The following UGGT2 variants were observed in gnomAD, a reference collection of about 807,000 sequenced individuals.
UGGT2 encodes the protein UDP-glucose glycoprotein glucosyltransferase 2, also known as UDP-glucose:glycoprotein glucosyltransferase 2.
A neutral mutation model predicts 192.1 loss-of-function variants in UGGT2; 180 were observed. The ratio of observed to expected loss-of-function variants is 0.94; its 90% CI spans 0.83 to 1.06. The LOEUF (loss-of-function observed/expected upper bound fraction) is 1.06. Among genes scored for constraint, UGGT2 ranks in the 50% least tolerant of loss-of-function variants. The pLI, the probability that UGGT2 is intolerant of heterozygous loss-of-function variation, is 0.00. For synonymous variants in UGGT2, 580 were observed against 591.0 expected (o/e 0.98, Z 0.27); for missense variants, 1,849 against 1,795.7 (o/e 1.03, Z -0.54).
rs186269547 is a variant in UGGT2, at chr13:96,050,341, A to G, written c.158+2814T>C. On this transcript the variant is annotated intron_variant, in intron 1 of 38. Transcript: ENST00000376747. ...TACAAAAATTAATTCAAGATGGACT[A>G]AAGACTTAAATGTTAGATCTAAAAC... 4.1e-3 allele frequency among the ~76,000 whole-genome samples: 630 copies of G among 152,354 alleles called. 1 individual carries two copies. Among genetic ancestry groups the G allele is most frequent in the Non-Finnish European group, 7.7e-3 (525 of 68,028 alleles).
chr13:95,990,014 C>T lies in UGGT2; in HGVS notation c.890G>A (p.Ser297Asn), dbSNP rs756653398. 6 of 1,606,810 alleles carry T rather than the reference C, an allele frequency of 3.7e-6. No homozygotes were observed. The East Asian group carries it at 6.7e-5, about 18-fold the overall frequency. The change falls in exon 8 of 39, where the codon AGT (serine) becomes AAT (asparagine). Residue 297 changes from serine (S) to asparagine (N), a missense_variant. Physicochemically the swap from Ser to Asn is conservative, Grantham distance 46. Transcript: ENST00000376747. ...TTTCAAAGGCATCATTTGTTTGTTA[C>T]TCTCAATCAGGTATTTTTGGAATGC... ...LTAFQKYLIE[S>N]NKQMMPLKVW... is the part of the protein sequence containing the mutation.
rs185133728 is a variant in UGGT2, at chr13:95,998,843, C to T, written c.757+368G>A. Reference sequence around the variant, plus strand: ...AAATAAATATTTCAGACAAAACTTCCTTACATGGGCGAGACCCAGATGCCT... The same window carrying T: ...AAATAAATATTTCAGACAAAACTTCTTTACATGGGCGAGACCCAGATGCCT... On this transcript the variant is annotated intron_variant, in intron 6 of 38. Coordinates refer to ENST00000376747, the MANE Select transcript of UGGT2 (RefSeq NM_020121.4). Among the ~76,000 whole-genome samples, 342 of 152,180 alleles carry T rather than the reference C, an allele frequency of 2.2e-3. 2 individuals carry two copies. Among genetic ancestry groups the T allele is most frequent in the Admixed American group, 3.5e-3 (54 of 15,282 alleles).
intron 36 of UGGT2, among the ~76,000 whole-genome samples, chr13:95,837,917 T>G (rs182037713): frequency 1.6e-5 from 1 of 62,344 alleles, no homozygotes. Flanking sequence ...TTTAAGGTTC[T>G]TCTCTCAACA....
At chr13:95,862,173 T>C (rs1890226906) in intron 31 of UGGT2, among the ~76,000 whole-genome samples, 1 of 152,158 alleles carries the variant, frequency 6.6e-6, no homozygotes, top group Non-Finnish European at 1.5e-5. Context: ...GCACACACTG[T>C]ACAGTAACAT....
intron 12 of UGGT2, among the ~76,000 whole-genome samples, chr13:95,951,458 C>T (rs1303587359): frequency 6.6e-5 from 10 of 152,184 alleles, no homozygotes; most frequent in African/African-American, 2.4e-4. Context: ...GACCCAAAGG[C>T]AGCTGAGGGT....
chr13:95,814,238 A>G (rs778958576), intron 38 of UGGT2, among the ~76,000 whole-genome samples: 17 of 152,210 alleles, frequency 1.1e-4, no homozygotes, highest in Admixed American at 5.2e-4. Flanking sequence ...GGCAGCTTGC[A>G]CCTTCAGTGT....
intron 29 of UGGT2, among the ~76,000 whole-genome samples, chr13:95,867,784 T>C (rs1890811764): frequency 6.6e-6 from 1 of 152,186 alleles, no homozygotes; most frequent in Non-Finnish European, 1.5e-5. Context: ...TACAATTTTT[T>C]ACACTTCAAA....
chr13:96,003,225 G>A (rs889268571), intron 5 of UGGT2, among the ~76,000 whole-genome samples: 1 of 152,032 alleles, frequency 6.6e-6, no homozygotes, highest in Non-Finnish European at 1.5e-5. Flanking sequence ...ACACAGTATT[G>A]GCAAGGTGTT....
chr13:95,884,267 GA>G (rs967128930), intron 27 of UGGT2, among the ~76,000 whole-genome samples: 2 of 151,906 alleles, frequency 1.3e-5, no homozygotes, highest in African/African-American at 2.4e-5. Context: ...AAGAAAGAAA[GA>G]AAAAATGTAA....
At chr13:96,046,111 C>G (rs1486930507) in intron 1 of UGGT2, among the ~76,000 whole-genome samples, 1 of 152,124 alleles carries the variant, frequency 6.6e-6, no homozygotes, top group Non-Finnish European at 1.5e-5. Flanking sequence ...GTCTCCAAAA[C>G]AGCATGGTAC....
chr13:96,021,613 A>C (rs61973964), intron 4 of UGGT2, among the ~76,000 whole-genome samples: 5,209 of 152,328 alleles, frequency 0.034, 100 homozygotes, highest in Non-Finnish European at 0.041. Flanking sequence ...AATGAAAGCA[A>C]TCTTAATTCA....
At chr13:95,847,173 G>A (rs942617121) in intron 36 of UGGT2, among the ~76,000 whole-genome samples, 1 of 148,678 alleles carries the variant, frequency 6.7e-6, no homozygotes, top group Non-Finnish European at 1.5e-5. Flanking sequence ...TAGGTTCACA[G>A]CCAAATTAAG....
intron 29 of UGGT2, chr13:95,877,007 C>T: frequency 4.0e-6 from 1 of 247,762 alleles, no homozygotes. Context: ...CCTCAGTCTC[C>T]TGAATAGCTG....
chr13:95,834,623 T>C (rs1490505561), intron 37 of UGGT2, among the ~76,000 whole-genome samples: 1 of 152,190 alleles, frequency 6.6e-6, no homozygotes, highest in East Asian at 1.9e-4. Flanking sequence ...CCATGAAGAA[T>C]AGCATGTTCT....
At chr13:96,045,818 T>C (rs2053293850) in intron 1 of UGGT2, among the ~76,000 whole-genome samples, 1 of 152,020 alleles carries the variant, frequency 6.6e-6, no homozygotes, top group Admixed American at 6.6e-5. Context: ...TACAAAACAC[T>C]GCTGAAAGAA....
chr13:96,010,901 T>C (rs1420900070), intron 5 of UGGT2, among the ~76,000 whole-genome samples: 1 of 152,186 alleles, frequency 6.6e-6, no homozygotes, highest in Non-Finnish European at 1.5e-5. Context: ...AGCAGTGTAG[T>C]ATTGATGTTG....
intron 10 of UGGT2, among the ~76,000 whole-genome samples, chr13:95,976,071 C>G (rs1354734332): frequency 1.3e-5 from 2 of 152,044 alleles, no homozygotes; most frequent in Non-Finnish European, 2.9e-5. Flanking sequence ...TGTATTTTTG[C>G]ACCCATTAAC....
At chr13:96,040,423 A>G (rs1354737878) in intron 1 of UGGT2, among the ~76,000 whole-genome samples, 2 of 152,126 alleles carry the variant, frequency 1.3e-5, no homozygotes, top group Non-Finnish European at 2.9e-5. Context: ...TTAAAATGAC[A>G]TTGGATTTGG....
Position 95,983,668 on chromosome 13 carries a change from T to C in UGGT2, c.1092+136A>G, listed in dbSNP as rs374784778. On this transcript the variant is annotated intron_variant, in intron 10 of 38. Transcript: ENST00000376747. ...GCTCATATAGTCCACAGTATAAAAA[T>C]AGAAGAACCCAGACTGTTTTAATAA... 1.5e-4 allele frequency: 105 copies of C among 722,710 alleles called. No homozygotes were observed. The East Asian group carries it at 2.3e-3, about 16-fold the overall frequency. 44.8% of individuals were successfully genotyped at this position (722,710 alleles called of 1,614,324 possible).
Sources: gnomAD v4.1 joint callset for allele counts (sites outside exome capture counted in the v4.1 genomes callset) on GRCh38, gnomAD v4.1.1 for gene constraint, MANE v1.5 for transcripts, NCBI Gene and HGNC (gene_info 2026-07-23, HGNC 2026-07-21) for gene names.